Variants in MGST3 observed in about 807,000 individuals in gnomAD.
MGST3 encodes glutathione S-transferase 3, mitochondrial.
Under a neutral mutation model 15.8 loss-of-function variants are expected in MGST3, and 13 were observed. That is an observed-to-expected ratio of 0.82 (90% CI 0.54 to 1.31). The LOEUF is 1.31. MGST3 is among the 50% of genes most tolerant of loss of function. MGST3 has a pLI of 0.00. For missense variants in MGST3, 155 were observed against 192.4 expected (o/e 0.81, Z 1.15); for synonymous variants, 49 against 68.1 (o/e 0.72, Z 1.38).
chr1:165,647,680 T>TA (rs1467380704), intron 1 of MGST3: 1 of 152,040 alleles, frequency 6.6e-6, no homozygotes, highest in Non-Finnish European at 1.5e-5. Flanking sequence ...CTAAAGCAAA[T>TA]ATGCTTAATT....
At position 165,655,375 on chromosome 1, in the gene MGST3, C is replaced by G. The variant is rs780374122; in HGVS notation, c.330C>G (p.Ser110Arg). ...YAYGYYTGEP[S>R]KRSRGALGSI... ...TTCTTTCTTCTTTTTCAGAACCCAG[C>G]AAGCGTAGTCGAGGAGCCCTGGGGT... Residue 110 changes from serine to arginine, a missense_variant, in exon 6 of 6, where the codon AGC becomes AGG. By Grantham distance (110) the Ser-to-Arg change is moderately radical (BLOSUM62 -1). Transcript: ENST00000367889. 2 of 1,613,826 alleles carry G rather than the reference C, an allele frequency of 1.2e-6. No homozygotes were observed. Among genetic ancestry groups the G allele is most frequent in the African/African-American group, 1.3e-5 (1 of 74,894 alleles).
At position 165,631,261 on chromosome 1, in the gene MGST3, T is replaced by G. The variant is rs1242428401; in HGVS notation, c.-40T>G. ...CGCACCCACACCGCGCTGCGCAGTT[T>G]TGTTCTGCTCCAGCTGTTCGAAGGT... On this transcript the variant is annotated 5_prime_UTR_variant, in exon 1 of 6. Coordinates refer to ENST00000367889, the MANE Select transcript of MGST3 (RefSeq NM_004528.4). The G allele has an allele frequency of 6.5e-6, 1 of 152,726 alleles. No homozygotes were observed. The highest frequency in any genetic ancestry group is 1.5e-5 in the Non-Finnish European group (1 of 68,140). 9.5% of individuals were successfully genotyped at this position (152,726 alleles called of 1,614,324 possible).
In MGST3 at chr1:165,652,495, T is replaced by C. The variant is rs181174719; in HGVS notation, c.249+460T>C. On this transcript the variant is annotated intron_variant, in intron 4 of 5. Coordinates refer to ENST00000367889, the MANE Select transcript of MGST3 (RefSeq NM_004528.4). ...ACAGAGAAGAAGCAACCTAAGTAAA[T>C]TACATCATGTGTTAGGAGGTGGTGA... is the stretch of plus-strand genomic sequence containing the variant. 1.9e-3 allele frequency among the ~76,000 whole-genome samples: 284 copies of C among 152,186 alleles called. 1 individual carries two copies. Among genetic ancestry groups the C allele is most frequent in the African/African-American group, 6.7e-3 (278 of 41,538 alleles).
intron 2 of MGST3, 44 bp from the exon 3 acceptor site, chr1:165,650,970 T>TGC: frequency 6.5e-7 from 1 of 1,548,980 alleles, no homozygotes; most frequent in Non-Finnish European, 8.9e-7. Flanking sequence ...CAACACTGAA[T>TGC]GCTCCTCTTG....
At chr1:165,641,137 C>A (rs929364403) in intron 1 of MGST3, among the ~76,000 whole-genome samples, 1 of 152,146 alleles carries the variant, frequency 6.6e-6, no homozygotes, top group Non-Finnish European at 1.5e-5. Flanking sequence ...GAGCCTAGAT[C>A]GTGCCACTTC....
chr1:165,634,028 T>G (rs1286396065), intron 1 of MGST3, among the ~76,000 whole-genome samples: 96 of 151,948 alleles, frequency 6.3e-4, no homozygotes, highest in South Asian at 2.3e-3. Context: ...CCCAAAGTTT[T>G]TTTTTTTTTT....
At chr1:165,632,917 A>C (rs1186940428) in intron 1 of MGST3, among the ~76,000 whole-genome samples, 4 of 152,190 alleles carry the variant, frequency 2.6e-5, no homozygotes, top group Non-Finnish European at 4.4e-5. Flanking sequence ...GTGGATGTCA[A>C]ATCAATCTGT....
chr1:165,649,740 T>A, intron 1 of MGST3, 101 bp from the exon 2 acceptor site: 1 of 1,433,312 alleles, frequency 7.0e-7, no homozygotes. Flanking sequence ...TGGTCTCTAT[T>A]TACTCATTTG....
intron 1 of MGST3, among the ~76,000 whole-genome samples, chr1:165,633,501 TTAAAAA>T (rs1648014146): frequency 6.6e-6 from 1 of 152,292 alleles, no homozygotes; most frequent in East Asian, 1.9e-4. Context: ...ATTCCACCCT[TTAAAAA>T]TAAGTAAGTG....
intron 1 of MGST3, among the ~76,000 whole-genome samples, chr1:165,639,854 G>C (rs1648214358): frequency 6.6e-6 from 1 of 152,108 alleles, no homozygotes; most frequent in Admixed American, 6.6e-5. Flanking sequence ...CTTATAGTTA[G>C]GTATTATATA....
intron 1 of MGST3, among the ~76,000 whole-genome samples, chr1:165,642,734 G>T (rs142657523): frequency 3.8e-4 from 58 of 152,284 alleles, no homozygotes; most frequent in Admixed American, 1.2e-3. Context: ...AACAAGTGAG[G>T]AAACTGAGGT....
At chr1:165,634,770 T>TCTCACTCCCTCTCCCTCC (rs1648058245) in intron 1 of MGST3, among the ~76,000 whole-genome samples, 1 of 24,746 alleles carries the variant, frequency 4.0e-5, no homozygotes, top group Non-Finnish European at 6.6e-5. Flanking sequence ...CCTCCCTCTC[T>TCTCACTCCCTCTCCCTCC]CTCCCTCCCT....
chr1:165,648,925 G>A (rs1185025387), intron 1 of MGST3: 1 of 152,220 alleles, frequency 6.6e-6, no homozygotes, highest in Admixed American at 6.5e-5. Flanking sequence ...CATCTTGTTG[G>A]TTGGTTTGTT....
At chr1:165,654,997 A>C (rs1401582537) in intron 5 of MGST3, among the ~76,000 whole-genome samples, 1 of 152,234 alleles carries the variant, frequency 6.6e-6, no homozygotes, top group African/African-American at 2.4e-5. Flanking sequence ...TAAACTAGGA[A>C]TCAAACCCAT....
chr1:165,642,329 AAG>A (rs1281085720), intron 1 of MGST3, among the ~76,000 whole-genome samples: 1 of 152,220 alleles, frequency 6.6e-6, no homozygotes, highest in Non-Finnish European at 1.5e-5. Context: ...TGGCTGCAGC[AAG>A]AGTTTGAATG....
chr1:165,648,290 G>A (rs1375058941), intron 1 of MGST3, among the ~76,000 whole-genome samples: 2 of 152,234 alleles, frequency 1.3e-5, no homozygotes, highest in Non-Finnish European at 2.9e-5. Context: ...GAGCAGCTCA[G>A]AGTGAAGACG....
chr1:165,648,887 T>A (rs1648479715), intron 1 of MGST3: 1 of 152,256 alleles, frequency 6.6e-6, no homozygotes, highest in African/African-American at 2.4e-5. Flanking sequence ...GAAACATTAC[T>A]TAACCTCTTT....
rs748798893 is a variant in MGST3, at chr1:165,651,024, T to C, written c.128T>C (p.Met43Thr). Residue 43 changes from methionine to threonine, a missense_variant, in exon 3 of 6, where the codon ATG becomes ACG. Coordinates refer to ENST00000367889, the MANE Select transcript of MGST3 (RefSeq NM_004528.4). ...RKKYKVEYPI[M>T]YSTDPENGHI... is the part of the protein sequence containing the mutation. ...GCTTTGTTGTGACAGTATCCTATCA[T>C]GTACAGCACGGACCCTGAAAATGGG... is the stretch of plus-strand genomic sequence containing the variant. 3 of 1,614,090 alleles carry C rather than the reference T, an allele frequency of 1.9e-6. No individual in the cohort carries two copies. The highest frequency in any genetic ancestry group is 2.5e-6 in the Non-Finnish European group (3 of 1,180,016).
chr1:165,650,253 A>C, intron 2 of MGST3: 1 of 441,054 alleles, frequency 2.3e-6, no homozygotes, highest in South Asian at 2.2e-5. Context: ...TGCTAGGAAG[A>C]GAGTTACTGT....
Sources: gnomAD v4.1 joint callset for allele counts (sites outside exome capture counted in the v4.1 genomes callset) on GRCh38, gnomAD v4.1.1 for gene constraint, MANE v1.5 for transcripts, NCBI Gene and HGNC (gene_info 2026-07-23, HGNC 2026-07-21) for gene names.